The following ABLIM1 variants were observed in gnomAD, a reference collection of about 807,000 sequenced individuals.
ABLIM1 encodes the protein actin binding LIM protein 1, also known as actin-binding LIM protein 1.
A neutral mutation model predicts 107.0 loss-of-function variants in ABLIM1; 40 were observed. The ratio of observed to expected loss-of-function variants is 0.37; its 90% CI spans 0.29 to 0.49. The LOEUF is 0.49. Ranked by LOEUF, ABLIM1 falls within the 20% of genes least tolerant of loss-of-function variation. The pLI, the probability that ABLIM1 is intolerant of heterozygous loss-of-function variation, is 0.97. For synonymous variants in ABLIM1, 357 were observed against 357.3 expected, an observed-to-expected ratio of 1.00 and a Z score of 0.01; for missense variants, 857 against 1,008.5, an observed-to-expected ratio of 0.85 and a Z score of 2.04.
chr10:114,493,356 C>T (rs1457668754), intron 6 of ABLIM1, among the ~76,000 whole-genome samples: 4 of 152,128 alleles, frequency 2.6e-5, no homozygotes, highest in African/African-American at 4.8e-5. Flanking sequence ...ACCATGGTGT[C>T]GTCTGCAGTG....
At chr10:114,645,363 G>C (rs972425888) in intron 1 of ABLIM1, among the ~76,000 whole-genome samples, 4 of 152,144 alleles carry the variant, frequency 2.6e-5, no homozygotes, top group African/African-American at 9.7e-5. Context: ...ACTGGTAACT[G>C]GCTTGATATT....
At chr10:114,566,489 G>A (rs1019126842) in intron 4 of ABLIM1, among the ~76,000 whole-genome samples, 1 of 152,150 alleles carries the variant, frequency 6.6e-6, no homozygotes, top group Non-Finnish European at 1.5e-5. Context: ...GAAGGGAGTG[G>A]AATGAAGCTT....
At chr10:114,491,682 G>T (rs1451097812) in intron 7 of ABLIM1, 109 bp downstream of exon 7, 8 of 1,040,632 alleles carry the variant, frequency 7.7e-6, no homozygotes, top group Non-Finnish European at 1.0e-5. Context: ...GATTTGGGTA[G>T]CCTCACAGCT....
chr10:114,541,908 AC>A, intron 6 of ABLIM1, among the ~76,000 whole-genome samples: 1 of 151,786 alleles, frequency 6.6e-6, no homozygotes, highest in African/African-American at 2.4e-5. Context: ...CAACACACAC[AC>A]ACACACACAC....
At chr10:114,769,690 A>T (rs1298836137), upstream of ABLIM1, among the ~76,000 whole-genome samples, 4 of 152,230 alleles carry the variant, frequency 2.6e-5, no homozygotes, top group Admixed American at 2.6e-4. Context: ...AGAAATATTA[A>T]AAAATAGGTG....
At chr10:114,566,584 T>C (rs1442085167) in intron 4 of ABLIM1, among the ~76,000 whole-genome samples, 1 of 152,186 alleles carries the variant, frequency 6.6e-6, no homozygotes, top group Non-Finnish European at 1.5e-5. Flanking sequence ...AATAAAACAA[T>C]CTAGTTAATG....
chr10:114,710,812 T>C (rs562534829), intron 1 of ABLIM1, among the ~76,000 whole-genome samples: 1 of 152,312 alleles, frequency 6.6e-6, no homozygotes, highest in Non-Finnish European at 1.5e-5. Flanking sequence ...AAAGCAATCT[T>C]CACAGAACAC....
chr10:114,523,167 C>CA (rs1366217241), intron 6 of ABLIM1, among the ~76,000 whole-genome samples: 2 of 151,614 alleles, frequency 1.3e-5, no homozygotes. Context: ...CAAAACAAAA[C>CA]AAAAAAATCC....
chr10:114,505,121 G>A (rs193128150), intron 6 of ABLIM1, among the ~76,000 whole-genome samples: 317 of 152,286 alleles, frequency 2.1e-3, no homozygotes, highest in African/African-American at 6.2e-3. Context: ...GCTGCTCAGC[G>A]TGTGGTAAAA....
At chr10:114,785,095 C>A in the ABLIM1 span, among the ~76,000 whole-genome samples, 15 of 152,178 alleles carry the variant, frequency 9.9e-5, no homozygotes, top group African/African-American at 3.6e-4. Context: ...AACAGTGCCA[C>A]CTCGTACAAA....
At chr10:114,495,012 T>C (rs548067429) in intron 6 of ABLIM1, among the ~76,000 whole-genome samples, 4 of 152,286 alleles carry the variant, frequency 2.6e-5, no homozygotes, top group Non-Finnish European at 5.9e-5. Context: ...CTTATGATTA[T>C]TTACATCAAC....
At position 114,612,762 on chromosome 10, in the gene ABLIM1, A is replaced by G. The variant is rs1240033746; in HGVS notation, c.245-10801T>C. On this transcript the variant is annotated intron_variant, in intron 1 of 22. Coordinates refer to ENST00000533213, the MANE Select transcript of ABLIM1 (RefSeq NM_002313.7). ...TATGGACAACAAGAGAGCCACATCC[A>G]TCCTGACTCTGAGAGTAGGAGGGAT... 2.0e-5 allele frequency among the ~76,000 whole-genome samples: 3 copies of G among 152,320 alleles called. No individual in the cohort carries two copies. The East Asian group carries it at 5.8e-4, about 29-fold the overall frequency.
At chr10:114,560,285 T>C (rs150217409) in intron 4 of ABLIM1, among the ~76,000 whole-genome samples, 438 of 133,308 alleles carry the variant, frequency 3.3e-3, no homozygotes, top group African/African-American at 0.015. Context: ...AAATGTGATA[T>C]AGCCATACAA....
intron 1 of ABLIM1, among the ~76,000 whole-genome samples, chr10:114,677,648 G>A (rs1186774960): frequency 2.0e-5 from 3 of 152,152 alleles, no homozygotes; most frequent in Admixed American, 1.3e-4. Context: ...GGTGGCATGC[G>A]CCTGTAATTC....
chr10:114,705,758 T>C (rs2081407650), intron 1 of ABLIM1, among the ~76,000 whole-genome samples: 2 of 152,236 alleles, frequency 1.3e-5, no homozygotes, highest in South Asian at 2.1e-4. Context: ...AAGGAAGTTA[T>C]GTAAGATATT....
intron 1 of ABLIM1, among the ~76,000 whole-genome samples, chr10:114,670,806 T>A (rs1649826374): frequency 6.6e-6 from 1 of 152,246 alleles, no homozygotes; most frequent in African/African-American, 2.4e-5. Flanking sequence ...TTCCACAGAT[T>A]TTTTTCCATG....
intron 6 of ABLIM1, among the ~76,000 whole-genome samples, chr10:114,494,336 C>A (rs895042232): frequency 1.3e-5 from 2 of 152,184 alleles, no homozygotes; most frequent in African/African-American, 4.8e-5. Context: ...AGTTCAAAAC[C>A]ATCCTGAGCA....
intron 1 of ABLIM1, among the ~76,000 whole-genome samples, chr10:114,704,682 C>T (rs193038740): frequency 6.6e-6 from 1 of 152,024 alleles, no homozygotes; most frequent in Non-Finnish European, 1.5e-5. Flanking sequence ...AATGTCTCTC[C>T]CTTCCTGGGA....
intron 1 of ABLIM1, among the ~76,000 whole-genome samples, chr10:114,622,328 C>T (rs1175062393): frequency 6.7e-6 from 1 of 149,118 alleles, no homozygotes; most frequent in Non-Finnish European, 1.5e-5. Flanking sequence ...CTCATCGCAT[C>T]CTCGACCTCC....
Sources: allele counts gnomAD v4.1 joint callset (sites outside exome capture counted in the v4.1 genomes callset), GRCh38; gene constraint gnomAD v4.1.1; transcripts MANE v1.5; gene names NCBI Gene and HGNC (gene_info 2026-07-23, HGNC 2026-07-21).